Variants in MFSD8 observed in about 807,000 individuals in gnomAD.
MFSD8 encodes the protein major facilitator superfamily domain containing 8.
Under a neutral mutation model 66.4 loss-of-function variants are expected in MFSD8, and 55 were observed. That is an observed-to-expected ratio of 0.83 (90% CI 0.67 to 1.04). The LOEUF (loss-of-function observed/expected upper bound fraction) is 1.04, where lower values mean the gene tolerates loss of function less well. Among genes scored for constraint, MFSD8 ranks in the 50% least tolerant of loss-of-function variants. The pLI, the probability that MFSD8 is intolerant of heterozygous loss-of-function variation, is 0.00. For missense variants in MFSD8, 550 were observed against 627.6 expected (o/e 0.88, Z 1.32); for synonymous variants, 202 against 212.8 (o/e 0.95, Z 0.44).
intron 3 of MFSD8, among the ~76,000 whole-genome samples, chr4:127,947,330 C>G (rs1338766025): frequency 6.6e-6 from 1 of 152,094 alleles, no homozygotes; most frequent in Non-Finnish European, 1.5e-5. Context: ...GTGGAAATCC[C>G]AGCACTTTGG....
intron 3 of MFSD8, among the ~76,000 whole-genome samples, chr4:127,944,687 G>T (rs1740753988): frequency 6.6e-6 from 1 of 151,892 alleles, no homozygotes; most frequent in South Asian, 2.1e-4. Flanking sequence ...TTGAGACAGG[G>T]TCTCACTCTG....
intron 1 of MFSD8, among the ~76,000 whole-genome samples, chr4:127,961,907 T>C (rs1743838489): frequency 6.6e-6 from 1 of 150,860 alleles, no homozygotes; most frequent in South Asian, 2.1e-4. Context: ...TGCACTTAAC[T>C]AGTAGGAAAG....
At chr4:127,924,766 C>G (rs531619719) in intron 9 of MFSD8, among the ~76,000 whole-genome samples, 1 of 152,108 alleles carries the variant, frequency 6.6e-6, no homozygotes, top group African/African-American at 2.4e-5. Context: ...GGAACCAAAA[C>G]AGAGCCCATA....
chr4:127,962,127 G>GA, intron 1 of MFSD8, among the ~76,000 whole-genome samples: 1 of 152,246 alleles, frequency 6.6e-6, no homozygotes, highest in Non-Finnish European at 1.5e-5. Flanking sequence ...CAGTCTGTCA[G>GA]AAAAACTAAA....
chr4:127,941,970 G>A (rs1459971914), intron 5 of MFSD8, 75 bp downstream of exon 5: 3 of 1,151,638 alleles, frequency 2.6e-6, no homozygotes, highest in East Asian at 2.4e-5. Flanking sequence ...TTTTATACTT[G>A]GGTTACACTG....
At chr4:127,961,984 G>A (rs1387172439) in intron 1 of MFSD8, among the ~76,000 whole-genome samples, 1 of 152,046 alleles carries the variant, frequency 6.6e-6, no homozygotes, top group Non-Finnish European at 1.5e-5. Flanking sequence ...ATAGATCCAG[G>A]GTTATCAAAG....
upstream of MFSD8, chr4:127,965,383 C>T (rs1744934552): frequency 1.7e-6 from 1 of 594,004 alleles, no homozygotes; most frequent in East Asian, 2.8e-5. Flanking sequence ...GACTGAGAGC[C>T]CAGGAGAGCT....
intron 1 of MFSD8, chr4:127,964,870 T>A (rs1263136618): frequency 3.0e-6 from 2 of 656,620 alleles, no homozygotes; most frequent in Non-Finnish European, 5.3e-6. Flanking sequence ...ACCCACGGGC[T>A]CATCACCGCA....
At chr4:127,946,123 T>C (rs1740990789) in intron 3 of MFSD8, among the ~76,000 whole-genome samples, 1 of 151,986 alleles carries the variant, frequency 6.6e-6, no homozygotes, top group Non-Finnish European at 1.5e-5. Context: ...CGAGGTCTTA[T>C]ATCGTTACCC....
chr4:127,932,851 A>G, intron 8 of MFSD8, 134 bp downstream of exon 8: 1 of 680,232 alleles, frequency 1.5e-6, no homozygotes. Context: ...ATGTATATAC[A>G]TTTTTTACAT....
At chr4:127,942,876 T>C (rs950385387) in intron 4 of MFSD8, among the ~76,000 whole-genome samples, 8 of 152,192 alleles carry the variant, frequency 5.3e-5, no homozygotes, top group Admixed American at 1.3e-4. Context: ...CAAGAGACTC[T>C]GTTAGGGGGC....
At chr4:127,951,066 A>T (rs1313203429) in intron 2 of MFSD8, among the ~76,000 whole-genome samples, 1 of 152,130 alleles carries the variant, frequency 6.6e-6, no homozygotes, top group Non-Finnish European at 1.5e-5. Flanking sequence ...TCAAAAAAAA[A>T]AAGGAAAAAA....
intron 8 of MFSD8, 186 bp downstream of exon 8, chr4:127,932,799 T>C: frequency 1.9e-6 from 1 of 529,854 alleles, no homozygotes; most frequent in Non-Finnish European, 3.4e-6. Flanking sequence ...TAGTTAAGAT[T>C]ATGGACAAAT....
chr4:127,940,902 C>G (rs1740080758), intron 5 of MFSD8, among the ~76,000 whole-genome samples: 1 of 151,996 alleles, frequency 6.6e-6, no homozygotes, highest in African/African-American at 2.4e-5. Context: ...AGTAAGCACA[C>G]AATAAATGTT....
At chr4:127,943,091 C>G (rs1740467509) in intron 4 of MFSD8, among the ~76,000 whole-genome samples, 1 of 152,140 alleles carries the variant, frequency 6.6e-6, no homozygotes, top group Non-Finnish European at 1.5e-5. Context: ...GTGGCAGACG[C>G]CTGTAATCCC....
chr4:127,930,206 T>G (rs977606960), intron 9 of MFSD8, among the ~76,000 whole-genome samples: 1 of 152,152 alleles, frequency 6.6e-6, no homozygotes, highest in African/African-American at 2.4e-5. Flanking sequence ...CACCACTGCA[T>G]TCCAGTATGG....
rs1578912301 is a variant in MFSD8, at chr4:127,943,951, A to C, written c.240T>G (p.Ile80Met). The C allele has an allele frequency of 3.1e-6, 5 of 1,614,224 alleles. No individual in the cohort carries two copies. The highest frequency in any genetic ancestry group is 4.2e-6 in the Non-Finnish European group (5 of 1,180,030). ...TADTSFLGWV[I>M]ASYSLGQMVA... The stretch of plus-strand genomic sequence containing the variant: ...CCATTTGGCCAAGACTATATGAAGC[A>C]ATAACCCAGCCCAAAAAACTTGTAT... Residue 80 changes from isoleucine to methionine, a missense_variant, in exon 4 of 12, where the codon ATT becomes ATG. Physicochemically the swap from Ile to Met is conservative, Grantham distance 10 (BLOSUM62 1). Transcript: ENST00000641686.
chr4:127,931,768 C>A (rs572381675), intron 8 of MFSD8, among the ~76,000 whole-genome samples: 1 of 152,276 alleles, frequency 6.6e-6, no homozygotes, highest in East Asian at 1.9e-4. Flanking sequence ...GGTTGTACAA[C>A]ATTGTGAATG....
At chr4:127,921,031 G>A in intron 11 of MFSD8, 195 bp from the exon 12 acceptor site, 1 of 613,444 alleles carries the variant, frequency 1.6e-6, no homozygotes, top group Non-Finnish European at 2.8e-6. Context: ...TAAAAGGAGT[G>A]TAAAGGGAAA....
Sources: gnomAD v4.1 joint callset for allele counts (sites outside exome capture counted in the v4.1 genomes callset) on GRCh38, gnomAD v4.1.1 for gene constraint, MANE v1.5 for transcripts, NCBI Gene and HGNC (gene_info 2026-07-23, HGNC 2026-07-21) for gene names.